The following CMAS variants were observed in gnomAD, a reference collection of about 807,000 sequenced individuals.
CMAS encodes the protein N-acylneuraminate cytidylyltransferase.
Under a neutral mutation model 53.4 loss-of-function variants are expected in CMAS, and 21 were observed. The observed-to-expected ratio is 0.39, with a 90% CI of 0.28 to 0.57. CMAS has a LOEUF of 0.57. Among genes scored for constraint, CMAS ranks in the 20% least tolerant of loss-of-function variants. The pLI, the probability that CMAS is intolerant of heterozygous loss-of-function variation, is 0.56. For synonymous variants in CMAS, 189 were observed against 195.2 expected (o/e 0.97, Z 0.27); for missense variants, 384 against 534.9 (o/e 0.72, Z 2.78).
At chr12:22,065,039 C>T in intron 7 of CMAS, 82 bp from the exon 8 acceptor site, 8 of 1,124,702 alleles carry the variant, frequency 7.1e-6, no homozygotes, top group South Asian at 5.1e-5. Flanking sequence ...CCAGAGTTAC[C>T]TGTTGGTTGC....
chr12:22,054,611 C>T (rs2138181915), intron 1 of CMAS, among the ~76,000 whole-genome samples: 1 of 141,462 alleles, frequency 7.1e-6, no homozygotes, highest in Admixed American at 7.6e-5. Flanking sequence ...TTTGGCTAAG[C>T]CAAGTCCATT....
intron 5 of CMAS, 78 bp downstream of exon 5, chr12:22,061,004 C>A: frequency 1.1e-6 from 1 of 922,234 alleles, no homozygotes; most frequent in Non-Finnish European, 1.8e-6. Context: ...TCTGATACTT[C>A]AGACATCTTA....
In CMAS at chr12:22,061,333, A is replaced by G. The variant is rs1446563496; in HGVS notation, c.841A>G (p.Asn281Asp). 4 of 1,612,224 alleles carry G rather than the reference A, an allele frequency of 2.5e-6. No homozygotes were observed. The highest frequency in any genetic ancestry group is 3.4e-6 in the Non-Finnish European group (4 of 1,179,168). Reference sequence around the variant, plus strand: ...TAAGGAAATAAAACTTTTGGTTTGCAATATTGATGGATGTCTCACCAATGG... The same window carrying G: ...TAAGGAAATAAAACTTTTGGTTTGCGATATTGATGGATGTCTCACCAATGG... ...KLKEIKLLVCNIDGCLTNGHI... is the reference protein window; with the variant it reads ...KLKEIKLLVCDIDGCLTNGHI... The change falls in exon 6 of 8, where the codon AAT becomes GAT. Residue 281 changes from asparagine to aspartate, a missense_variant. Coordinates refer to ENST00000229329, the MANE Select transcript of CMAS (RefSeq NM_018686.6).
chr12:22,051,251 G>A (rs1397963303), intron 1 of CMAS, among the ~76,000 whole-genome samples: 1 of 152,172 alleles, frequency 6.6e-6, no homozygotes, highest in East Asian at 1.9e-4. Flanking sequence ...TGCCAGAGTT[G>A]ATTTTGTAAG....
intron 1 of CMAS, among the ~76,000 whole-genome samples, chr12:22,047,347 C>G (rs1565528283): frequency 6.6e-6 from 1 of 152,106 alleles, no homozygotes; most frequent in Non-Finnish European, 1.5e-5. Context: ...AATTCTGTGC[C>G]AAGAATGAAT....
At chr12:22,052,714 T>TC (rs1215428332) in intron 1 of CMAS, among the ~76,000 whole-genome samples, 1 of 152,180 alleles carries the variant, frequency 6.6e-6, no homozygotes, top group Non-Finnish European at 1.5e-5. Context: ...AACATTTTTT[T>TC]CCCACTATTT....
chr12:22,050,250 G>A (rs987006824), intron 1 of CMAS, among the ~76,000 whole-genome samples: 1 of 152,230 alleles, frequency 6.6e-6, no homozygotes, highest in Non-Finnish European at 1.5e-5. Context: ...GCATCACCAT[G>A]TGTTAACTGT....
chr12:22,051,466 G>C (rs934519861), intron 1 of CMAS, among the ~76,000 whole-genome samples: 1 of 152,204 alleles, frequency 6.6e-6, no homozygotes, highest in African/African-American at 2.4e-5. Flanking sequence ...CAGGCACCAT[G>C]GTTGATATTC....
At chr12:22,053,874 G>C (rs575233224) in intron 1 of CMAS, among the ~76,000 whole-genome samples, 35 of 144,242 alleles carry the variant, frequency 2.4e-4, no homozygotes, top group African/African-American at 9.1e-4. Context: ...GCGAGACTCC[G>C]TCTCAAAACA....
rs1950249574 is a variant in CMAS at position 22,053,621 on chromosome 12, T to C, written c.261-1528T>C. On this transcript the variant is annotated intron_variant, in intron 1 of 7. Coordinates refer to ENST00000229329, the MANE Select transcript of CMAS (RefSeq NM_018686.6). ...GGGGCCGGGCACGGTGGCTCACGCCTGTAATCCTAGCACTTTGGGAGGCCG... is the reference window on the plus strand; with the variant it reads ...GGGGCCGGGCACGGTGGCTCACGCCCGTAATCCTAGCACTTTGGGAGGCCG... 2.0e-5 allele frequency among the ~76,000 whole-genome samples: 3 copies of C among 151,404 alleles called. No homozygotes were observed. In the South Asian group the frequency reaches 6.2e-4, roughly 32 times the overall value.
In CMAS at chr12:22,062,292, C is replaced by A; in HGVS notation, c.972C>A (p.Ile324=). 1.9e-6 allele frequency: 3 copies of A among 1,547,196 alleles called. No individual in the cohort carries two copies. The highest frequency in any genetic ancestry group is 1.7e-6 in the Non-Finnish European group (2 of 1,147,822). The change falls in exon 7 of 8, where the codon ATC becomes ATA. Residue 324 remains isoleucine, a synonymous_variant. Transcript: ENST00000229329. ...LKKSGIEVRL[I]SERACSKQTL... The stretch of plus-strand genomic sequence containing the variant: ...TTTTTTTTTTTAAGGTGAGGCTAAT[C>A]TCAGAAAGGGCCTGTTCAAAGCAGA...
intron 1 of CMAS, among the ~76,000 whole-genome samples, chr12:22,052,197 T>C (rs1950242141): frequency 6.6e-6 from 1 of 152,246 alleles, no homozygotes; most frequent in African/African-American, 2.4e-5. Flanking sequence ...GCTTCTCTTT[T>C]CCTAATGGTT....
chr12:22,049,134 C>T (rs1950224364), intron 1 of CMAS, among the ~76,000 whole-genome samples: 2 of 152,158 alleles, frequency 1.3e-5, no homozygotes, highest in East Asian at 1.9e-4. Flanking sequence ...CCTCGAAGCT[C>T]GAAGTTTCAT....
At chr12:22,061,720 T>A (rs1950309402) in intron 6 of CMAS, among the ~76,000 whole-genome samples, 1 of 152,162 alleles carries the variant, frequency 6.6e-6, no homozygotes, top group African/African-American at 2.4e-5. Flanking sequence ...TCCCAAAGGA[T>A]CTTGCAGCAA....
rs780133752 is a variant in CMAS at position 22,046,504 on chromosome 12, G to A, written c.201G>A (p.Ala67=). 1 of 1,606,366 alleles carries A rather than the reference G, an allele frequency of 6.2e-7. No homozygotes were observed. Among genetic ancestry groups the A allele is most frequent in the African/African-American group, 1.3e-5 (1 of 74,384 alleles). ...GIPLKNIKHL[A]GVPLIGWVLR... is the part of the protein sequence containing the mutation. ...CCCTGAAGAACATTAAGCACCTGGCGGGGGTCCCGCTCATTGGCTGGGTCC... is the reference window on the plus strand; with the variant it reads ...CCCTGAAGAACATTAAGCACCTGGCAGGGGTCCCGCTCATTGGCTGGGTCC... Residue 67 remains alanine, a synonymous_variant, in exon 1 of 8, where the codon GCG becomes GCA. Transcript: ENST00000229329.
intron 1 of CMAS, 30 bp from the exon 2 acceptor site, chr12:22,055,119 G>A (rs777097662): frequency 6.5e-7 from 1 of 1,531,734 alleles, no homozygotes; most frequent in Admixed American, 2.1e-5. Flanking sequence ...CTTTTGATTT[G>A]GCTGTTAATT....
chr12:22,055,128 T>C, intron 1 of CMAS, 21 bp from the exon 2 acceptor site: 1 of 1,553,036 alleles, frequency 6.4e-7, no homozygotes, highest in Non-Finnish European at 8.7e-7. Context: ...TGGCTGTTAA[T>C]TTCTTTTGAT....
At chr12:22,060,268 A>G (rs1565531451) in intron 4 of CMAS, among the ~76,000 whole-genome samples, 1 of 146,934 alleles carries the variant, frequency 6.8e-6, no homozygotes, top group African/African-American at 2.5e-5. Flanking sequence ...TAAATAGGGA[A>G]CTTGAACTGT....
chr12:22,052,395 A>T (rs1313718288), intron 1 of CMAS, among the ~76,000 whole-genome samples: 1 of 151,768 alleles, frequency 6.6e-6, no homozygotes, highest in Non-Finnish European at 1.5e-5. Flanking sequence ...AGGAAGGAAG[A>T]AAAGCAAACC....
Sources: allele counts gnomAD v4.1 joint callset (sites outside exome capture counted in the v4.1 genomes callset), GRCh38; gene constraint gnomAD v4.1.1; transcripts MANE v1.5; gene names NCBI Gene and HGNC (gene_info 2026-07-23, HGNC 2026-07-21).